The following SYT17 variants were observed in gnomAD, a reference collection of about 807,000 sequenced individuals.
The protein encoded by SYT17 is synaptotagmin-17.
A neutral mutation model predicts 46.7 loss-of-function variants in SYT17; 22 were observed. The ratio of observed to expected loss-of-function variants is 0.47; its 90% CI spans 0.34 to 0.67. The LOEUF (loss-of-function observed/expected upper bound fraction) is 0.67, where lower values mean the gene tolerates loss of function less well. Among genes scored for constraint, SYT17 ranks in the 30% least tolerant of loss-of-function variants. The pLI, the probability that SYT17 is intolerant of heterozygous loss-of-function variation, is 0.01. For missense variants in SYT17, 519 were observed against 612.8 expected (o/e 0.85, Z 1.62); for synonymous variants, 251 against 248.4 (o/e 1.01, Z -0.10).
intron 4 of SYT17, 137 bp downstream of exon 4, chr16:19,180,676 A>G: frequency 2.0e-6 from 2 of 1,011,324 alleles, no homozygotes; most frequent in Non-Finnish European, 2.9e-6. Flanking sequence ...ACAGGGCGAG[A>G]GAGAGATAAT....
chr16:19,181,042 T>C (rs1161729772), intron 4 of SYT17, among the ~76,000 whole-genome samples: 2 of 152,156 alleles, frequency 1.3e-5, no homozygotes, highest in African/African-American at 2.4e-5. Context: ...AAATGCCCCA[T>C]TGAAAGGGGG....
chr16:19,255,739 C>T (rs144640645), intron 7 of SYT17, among the ~76,000 whole-genome samples: 1,630 of 152,228 alleles, frequency 0.011, 41 homozygotes, highest in Admixed American at 0.038. Context: ...GAGCTATAAT[C>T]ATGCCACGCC....
At position 19,266,989 on chromosome 16, in the gene SYT17, G is replaced by A. The variant is rs762281591; in HGVS notation, c.1338G>A (p.Thr446=). 5.0e-6 allele frequency: 8 copies of A among 1,613,422 alleles called. No individual in the cohort carries two copies. Among genetic ancestry groups the A allele is most frequent in the African/African-American group, 2.7e-5 (2 of 74,838 alleles). The change falls in exon 8 of 8, where the codon ACG becomes ACA. Residue 446 remains threonine (T), a synonymous_variant. Transcript: ENST00000355377. Reference sequence around the variant, plus strand: ...ACCACTGGAGGCGCATGCTCAACACGCACCGCACAGCCGTGGAGCAGTGGC... The same window carrying A: ...ACCACTGGAGGCGCATGCTCAACACACACCGCACAGCCGTGGAGCAGTGGC... ...ETNHWRRMLN[T]HRTAVEQWHS... is the part of the protein sequence containing the mutation.
rs1370252811 is a variant in SYT17 at position 19,183,370 on chromosome 16, T to C, written c.332-158T>C. On this transcript the variant is annotated intron_variant, in intron 4 of 7. Transcript: ENST00000355377. This position sits in a 1 kb window ranked among gnomAD's most constrained non-coding sequence, Gnocchi z 5.6. ...CAAGGTGTCAATAGTGCCACCAAACTATCTGTCACAGAATCAGTGAGTATT... is the reference window on the plus strand; with the variant it reads ...CAAGGTGTCAATAGTGCCACCAAACCATCTGTCACAGAATCAGTGAGTATT... 6.6e-6 allele frequency among the ~76,000 whole-genome samples: 1 copy of C among 152,212 alleles called. No homozygotes were observed. Among genetic ancestry groups the C allele is most frequent in the Non-Finnish European group, 1.5e-5 (1 of 68,034 alleles).
chr16:19,264,804 G>T (rs1256446397), intron 7 of SYT17, among the ~76,000 whole-genome samples: 2 of 152,032 alleles, frequency 1.3e-5, no homozygotes, highest in African/African-American at 4.8e-5. Context: ...ATGTTGCCCA[G>T]ACTAGTCTCA....
intron 7 of SYT17, among the ~76,000 whole-genome samples, chr16:19,234,088 G>T (rs1966800827): frequency 6.6e-6 from 1 of 152,098 alleles, no homozygotes; most frequent in Non-Finnish European, 1.5e-5. Context: ...CACTATGGGG[G>T]GCCTAGGCAG....
intron 5 of SYT17, among the ~76,000 whole-genome samples, chr16:19,190,874 G>C (rs1159791696): frequency 6.6e-6 from 1 of 151,620 alleles, no homozygotes; most frequent in African/African-American, 2.4e-5. Flanking sequence ...ATGGACAACG[G>C]TGCCTCCACC....
At chr16:19,227,358 C>T (rs1596984366) in intron 7 of SYT17, among the ~76,000 whole-genome samples, 2 of 145,954 alleles carry the variant, frequency 1.4e-5, no homozygotes, top group African/African-American at 2.6e-5. Flanking sequence ...ATTCTGATGC[C>T]CAGCTGGAGT....
At chr16:19,196,082 A>G (rs1965230843) in intron 5 of SYT17, among the ~76,000 whole-genome samples, 2 of 152,186 alleles carry the variant, frequency 1.3e-5, no homozygotes, top group African/African-American at 4.8e-5. Flanking sequence ...AGGTGCCAGA[A>G]GGTCACAGGG....
intron 7 of SYT17, among the ~76,000 whole-genome samples, chr16:19,245,422 G>A (rs931319716): frequency 6.6e-6 from 1 of 152,166 alleles, no homozygotes; most frequent in African/African-American, 2.4e-5. Context: ...ATGGGATTCT[G>A]TGGGTCCCCT....
rs1408354251 is a variant in SYT17, at chr16:19,183,991, C to T, written c.795C>T (p.Pro265=). 6.2e-7 allele frequency: 1 copy of T among 1,614,184 alleles called. No homozygotes were observed. Among genetic ancestry groups the T allele is most frequent in the East Asian group, 2.2e-5 (1 of 44,866 alleles). Residue 265 remains proline, a synonymous_variant, in exon 5 of 8, where the codon CCC becomes CCT. Coordinates refer to ENST00000355377, the MANE Select transcript of SYT17 (RefSeq NM_016524.4). This position sits in a 1 kb window ranked among gnomAD's most constrained non-coding sequence, Gnocchi z 5.6. ...VFEERYTFEI[P]FLEAQRRTLL... ...AGGAGCGCTACACCTTCGAGATCCCCTTCCTGGAGGCCCAGAGGAGGACCC... is the reference window on the plus strand; with the variant it reads ...AGGAGCGCTACACCTTCGAGATCCCTTTCCTGGAGGCCCAGAGGAGGACCC...
At chr16:19,188,126 C>A (rs574394520) in intron 5 of SYT17, among the ~76,000 whole-genome samples, 49 of 152,084 alleles carry the variant, frequency 3.2e-4, no homozygotes, top group Non-Finnish European at 2.1e-4. Flanking sequence ...AAATGTGGTA[C>A]ATATATACCA....
At chr16:19,264,429 A>G (rs1969218125) in intron 7 of SYT17, among the ~76,000 whole-genome samples, 1 of 152,104 alleles carries the variant, frequency 6.6e-6, no homozygotes, top group Non-Finnish European at 1.5e-5. Context: ...ATTTTTGTCC[A>G]TTTGTGCAGA....
intron 7 of SYT17, among the ~76,000 whole-genome samples, chr16:19,231,902 A>G (rs1386922827): frequency 6.6e-6 from 1 of 152,214 alleles, no homozygotes; most frequent in East Asian, 1.9e-4. Context: ...TGAATTGTAA[A>G]TTGGTCTAAG....
chr16:19,184,048 C>T lies in SYT17; in HGVS notation c.852C>T (p.Phe284=). ...TGACCGTGGTGGATTTTGATAAGTT[C>T]TCCCGCCACTGTGTCATTGGGAAAG... The part of the protein sequence containing the change: ...LLLTVVDFDK[F]SRHCVIGKVS... The change falls in exon 5 of 8, where the codon TTC becomes TTT. Residue 284 remains phenylalanine (F), a synonymous_variant. Coordinates refer to ENST00000355377, the MANE Select transcript of SYT17 (RefSeq NM_016524.4). 6.2e-7 allele frequency: 1 copy of T among 1,614,104 alleles called. No homozygotes were observed.
At chr16:19,181,794 C>T (rs536059187) in intron 4 of SYT17, among the ~76,000 whole-genome samples, 6 of 149,220 alleles carry the variant, frequency 4.0e-5, no homozygotes, top group Non-Finnish European at 8.9e-5. Context: ...GAGGTCAGGA[C>T]TTCGAGACCA....
chr16:19,217,937 G>T (rs1018747128), intron 5 of SYT17, among the ~76,000 whole-genome samples: 1 of 152,204 alleles, frequency 6.6e-6, no homozygotes, highest in African/African-American at 2.4e-5. Context: ...ATACTGAGTT[G>T]CTTGATGTCT....
intron 7 of SYT17, among the ~76,000 whole-genome samples, chr16:19,240,632 G>C (rs1597004186): frequency 6.6e-6 from 1 of 152,220 alleles, no homozygotes; most frequent in East Asian, 1.9e-4. Flanking sequence ...GGGACTGGCG[G>C]CCTGGTCCCC....
intron 4 of SYT17, among the ~76,000 whole-genome samples, chr16:19,181,999 CA>C (rs371941934): frequency 7.4e-3 from 603 of 81,890 alleles, no homozygotes; most frequent in African/African-American, 0.017. Flanking sequence ...AACTCTGTCT[CA>C]AAAAAAAAAA....
Sources: gnomAD v4.1 joint callset for allele counts (sites outside exome capture counted in the v4.1 genomes callset) on GRCh38, gnomAD v4.1.1 for gene constraint, Gnocchi (gnomAD v3.1) non-coding constraint, MANE v1.5 for transcripts, NCBI Gene and HGNC (gene_info 2026-07-23, HGNC 2026-07-21) for gene names.